The following ANKRD30BL variants were observed in gnomAD, a reference collection of about 807,000 sequenced individuals.
ANKRD30BL encodes ankyrin repeat domain 30B like, also known as putative ankyrin repeat domain-containing protein 30B-like.
A neutral mutation model predicts 18.4 loss-of-function variants in ANKRD30BL; 20 were observed. The observed-to-expected ratio is 1.09, with a 90% CI of 0.77 to 1.58. The LOEUF (loss-of-function observed/expected upper bound fraction) is 1.58. Ranked by LOEUF, ANKRD30BL falls within the 40% of genes most tolerant of loss-of-function variation. ANKRD30BL has a pLI of 0.00. For synonymous variants in ANKRD30BL, 72 were observed against 100.9 expected, an observed-to-expected ratio of 0.71 and a Z score of 1.72; for missense variants, 224 against 268.6, an observed-to-expected ratio of 0.83 and a Z score of 1.16.
chr2:132,188,249 A>G (rs1370408737), intron 1 of ANKRD30BL, among the ~76,000 whole-genome samples: 1 of 152,196 alleles, frequency 6.6e-6, no homozygotes, highest in Non-Finnish European at 1.5e-5. Context: ...TTGCCAAAAA[A>G]AGGTTTGATT....
intron 1 of ANKRD30BL, among the ~76,000 whole-genome samples, chr2:132,229,235 T>C (rs1679935619): frequency 6.6e-6 from 1 of 152,126 alleles, no homozygotes; most frequent in Non-Finnish European, 1.5e-5. Context: ...AATCTGCAAG[T>C]GGACCTTTCG....
At chr2:132,181,101 G>A (rs76665861) in intron 1 of ANKRD30BL, among the ~76,000 whole-genome samples, 3 of 151,918 alleles carry the variant, frequency 2.0e-5, no homozygotes, top group Non-Finnish European at 4.4e-5. Flanking sequence ...CCAAGATCCC[G>A]CCACTGCACT....
At chr2:132,238,086 G>C (rs1178389303) in intron 1 of ANKRD30BL, among the ~76,000 whole-genome samples, 1 of 151,778 alleles carries the variant, frequency 6.6e-6, no homozygotes, top group Non-Finnish European at 1.5e-5. Context: ...ATCTGCAAGT[G>C]GACATTTAGT....
At chr2:132,228,906 A>G (rs377072414) in intron 1 of ANKRD30BL, among the ~76,000 whole-genome samples, 1 of 149,738 alleles carries the variant, frequency 6.7e-6, no homozygotes, top group African/African-American at 2.5e-5. Flanking sequence ...GACATTTTGA[A>G]GGCTTTGAGG....
chr2:132,235,792 C>G (rs1352794678), intron 1 of ANKRD30BL, among the ~76,000 whole-genome samples: 3 of 152,060 alleles, frequency 2.0e-5, no homozygotes, highest in Non-Finnish European at 2.9e-5. Context: ...CAATGCCTTC[C>G]CCATCAAGCT....
intron 1 of ANKRD30BL, among the ~76,000 whole-genome samples, chr2:132,212,977 T>C: frequency 6.6e-6 from 1 of 151,862 alleles, no homozygotes; most frequent in Admixed American, 6.6e-5. Context: ...AAACGAAATA[T>C]CTTCATATAA....
chr2:132,229,041 C>T (rs1312219791), intron 1 of ANKRD30BL, among the ~76,000 whole-genome samples: 4 of 151,952 alleles, frequency 2.6e-5, no homozygotes, highest in African/African-American at 9.7e-5. Flanking sequence ...AGTTTTAAAG[C>T]TCCCTTTTTG....
intron 4 of ANKRD30BL, among the ~76,000 whole-genome samples, chr2:132,151,415 C>A (rs1159756275): frequency 8.6e-5 from 13 of 151,526 alleles, no homozygotes; most frequent in South Asian, 6.3e-4. Flanking sequence ...AAAAATGAAG[C>A]AAAAAAAATT....
chr2:132,190,901 G>A lies in ANKRD30BL; in HGVS notation n.442-33755C>T, dbSNP rs545682526. 7.9e-3 allele frequency among the ~76,000 whole-genome samples: 1,198 copies of A among 152,052 alleles called. 9 individuals are homozygous for A. Among genetic ancestry groups the A allele is most frequent in the African/African-American group, 0.027 (1,116 of 41,464 alleles). On this transcript the variant is annotated intron_variant and non_coding_transcript_variant, in intron 1 of 4. Coordinates refer to the ANKRD30BL transcript ENST00000470729. The stretch of plus-strand genomic sequence containing the variant: ...GGTCTTCCAAAACATACTATTGTAG[G>A]ATTTGTGAATAAATATAATGGATGG...
chr2:132,252,921 C>T (rs1339122180), intron 1 of ANKRD30BL, among the ~76,000 whole-genome samples: 2 of 152,020 alleles, frequency 1.3e-5, no homozygotes, highest in Non-Finnish European at 2.9e-5. Flanking sequence ...TCATGGGTGG[C>T]GGTGCTGCCC....
chr2:132,223,377 G>C (rs575834922), intron 1 of ANKRD30BL, among the ~76,000 whole-genome samples: 564 of 152,124 alleles, frequency 3.7e-3, no homozygotes, highest in Non-Finnish European at 6.6e-3. Flanking sequence ...GAGCAGGTTT[G>C]AAACACTCTT....
upstream of ANKRD30BL, among the ~76,000 whole-genome samples, chr2:132,164,269 C>CTTTTTTTTTTTT (rs796313755): frequency 2.8e-3 from 314 of 112,026 alleles, 10 homozygotes; most frequent in East Asian, 0.016. Context: ...TTTTCTTTTT[C>CTTTTTTTTTTTT]TTTTTTTTTT....
intron 1 of ANKRD30BL, among the ~76,000 whole-genome samples, chr2:132,198,392 C>A (rs1192230639): frequency 2.8e-5 from 4 of 140,916 alleles, no homozygotes; most frequent in African/African-American, 5.3e-5. Flanking sequence ...GGAGCGATCT[C>A]GGCTCACTGC....
At chr2:132,246,175 C>T (rs369022645) in intron 1 of ANKRD30BL, among the ~76,000 whole-genome samples, 4 of 151,212 alleles carry the variant, frequency 2.6e-5, no homozygotes, top group Non-Finnish European at 4.4e-5. Flanking sequence ...CTTTGTGATG[C>T]TTTCATTCAA....
chr2:132,176,467 C>T (rs1040717493), intron 1 of ANKRD30BL, among the ~76,000 whole-genome samples: 5 of 152,014 alleles, frequency 3.3e-5, no homozygotes, highest in African/African-American at 9.7e-5. Flanking sequence ...GGTGGGTAGC[C>T]GGGCATGGTG....
rs544360323 is a variant in ANKRD30BL at position 132,180,966 on chromosome 2, T to A, written n.442-23820A>T. 1.1e-4 allele frequency among the ~76,000 whole-genome samples: 17 copies of A among 151,476 alleles called. 1 individual carries two copies. The highest frequency in any genetic ancestry group is 3.9e-4 in the African/African-American group (16 of 41,246). On this transcript the variant is annotated intron_variant and non_coding_transcript_variant, in intron 1 of 4. Coordinates refer to the ANKRD30BL transcript ENST00000470729. ...ATTGAGACCATCCTGGCTAACATGG[T>A]GAAACTCCATCTCTACTAAACATAC...
intron 1 of ANKRD30BL, among the ~76,000 whole-genome samples, chr2:132,175,329 G>T (rs1688344613): frequency 6.6e-6 from 1 of 152,074 alleles, no homozygotes; most frequent in South Asian, 2.1e-4. Context: ...GAGGTACTAT[G>T]CCTGGATGTG....
chr2:132,150,279 ATGTT>A (rs1325329814), intron 5 of ANKRD30BL, among the ~76,000 whole-genome samples: 1 of 151,164 alleles, frequency 6.6e-6, no homozygotes, highest in Non-Finnish European at 1.5e-5. Flanking sequence ...AACATTTTAT[ATGTT>A]TATGTTTAAT....
intron 1 of ANKRD30BL, among the ~76,000 whole-genome samples, chr2:132,236,981 T>C (rs1420297254): frequency 2.0e-5 from 3 of 151,770 alleles, no homozygotes; most frequent in Non-Finnish European, 4.4e-5. Flanking sequence ...TGTAGGGACA[T>C]GGATGAAATT....
Sources: gnomAD v4.1 joint callset for allele counts (sites outside exome capture counted in the v4.1 genomes callset) on GRCh38, gnomAD v4.1.1 for gene constraint, MANE v1.5 for transcripts, NCBI Gene and HGNC (gene_info 2026-07-23, HGNC 2026-07-21) for gene names.